The following ROBO2 variants were observed in gnomAD, a reference collection of about 807,000 sequenced individuals.
ROBO2 encodes the protein roundabout guidance receptor 2.
Under a neutral mutation model 160.8 loss-of-function variants are expected in ROBO2, and 53 were observed. That is an observed-to-expected ratio of 0.33 (90% CI 0.26 to 0.41). The LOEUF (loss-of-function observed/expected upper bound fraction) is 0.41. ROBO2 is among the 10% of genes least tolerant of loss of function. ROBO2 has a pLI of 1.00. For synonymous variants in ROBO2, 664 were observed against 611.7 expected, an observed-to-expected ratio of 1.09 and a Z score of -1.26; for missense variants, 1,577 against 1,722.4, an observed-to-expected ratio of 0.92 and a Z score of 1.49.
At chr3:76,930,170 C>T (rs1264805183) in intron 2 of ROBO2, among the ~76,000 whole-genome samples, 5 of 152,098 alleles carry the variant, frequency 3.3e-5, no homozygotes, top group East Asian at 1.9e-4. Flanking sequence ...ACTACAGGCA[C>T]GTGCCCCCAC....
intron 2 of ROBO2, among the ~76,000 whole-genome samples, chr3:76,779,651 T>C (rs1264881530): frequency 6.6e-6 from 1 of 151,056 alleles, no homozygotes; most frequent in Non-Finnish European, 1.5e-5. Flanking sequence ...GTCCTCAGGG[T>C]TCATGAGATA....
At chr3:76,098,780 T>C (rs1285503864) in intron 2 of ROBO2, among the ~76,000 whole-genome samples, 2 of 152,192 alleles carry the variant, frequency 1.3e-5, no homozygotes, top group Non-Finnish European at 2.9e-5. Flanking sequence ...CATGAGTTCA[T>C]TATTTTTTGT....
At chr3:77,032,787 A>G (rs1277005881) in intron 2 of ROBO2, among the ~76,000 whole-genome samples, 1 of 149,510 alleles carries the variant, frequency 6.7e-6, no homozygotes, top group African/African-American at 2.6e-5. Context: ...TGGCCATCCA[A>G]AAAGTGAGGC....
chr3:76,093,281 A>G (rs2069304484), intron 2 of ROBO2, among the ~76,000 whole-genome samples: 2 of 151,876 alleles, frequency 1.3e-5, no homozygotes, highest in Non-Finnish European at 2.9e-5. Context: ...CCCCTGTATA[A>G]TGGGTGTTCT....
intron 2 of ROBO2, among the ~76,000 whole-genome samples, chr3:76,678,684 T>G (rs1282625962): frequency 6.6e-6 from 1 of 152,192 alleles, no homozygotes; most frequent in Non-Finnish European, 1.5e-5. Flanking sequence ...TTTTAGTGGA[T>G]GTCAGTGCAG....
chr3:77,098,828 C>A (rs1333984707), intron 2 of ROBO2, among the ~76,000 whole-genome samples: 1 of 151,960 alleles, frequency 6.6e-6, no homozygotes, highest in Non-Finnish European at 1.5e-5. Context: ...TGCACTCCAG[C>A]CTGGGCGACA....
chr3:76,155,685 T>C (rs530447087), intron 2 of ROBO2, among the ~76,000 whole-genome samples: 26 of 152,310 alleles, frequency 1.7e-4, no homozygotes, highest in African/African-American at 6.3e-4. Context: ...TGCACGTCTT[T>C]AACTAATTCA....
chr3:76,411,595 CA>C lies in ROBO2; in HGVS notation c.109+473994del, dbSNP rs553828259. On this transcript the variant is annotated intron_variant, in intron 2 of 26. Transcript: ENST00000487694. ...ACAAAATGCCTTGCTATAGGGAAGA[CA>C]TTTTTTTTCCACCACACCAGTTCAC... Among the ~76,000 whole-genome samples the C allele has an allele frequency of 2.6e-5, 4 of 152,158 alleles. No homozygotes were observed. In the South Asian group the frequency reaches 8.3e-4, roughly 32 times the overall value.
chr3:76,747,282 T>G (rs2093909611), intron 2 of ROBO2, among the ~76,000 whole-genome samples: 1 of 152,122 alleles, frequency 6.6e-6, no homozygotes, highest in Non-Finnish European at 1.5e-5. Flanking sequence ...CAAAATTTCA[T>G]ATAACTTTTT....
intron 2 of ROBO2, among the ~76,000 whole-genome samples, chr3:76,445,026 C>T (rs982652698): frequency 3.9e-5 from 6 of 152,040 alleles, no homozygotes; most frequent in Non-Finnish European, 8.8e-5. Flanking sequence ...TTCTTTATTA[C>T]ATCCTTTTAG....
chr3:76,423,494 T>C (rs2076081104), intron 2 of ROBO2, among the ~76,000 whole-genome samples: 1 of 151,856 alleles, frequency 6.6e-6, no homozygotes, highest in African/African-American at 2.4e-5. Context: ...AGAAAAGAGG[T>C]AGAGGCAAAA....
intron 2 of ROBO2, among the ~76,000 whole-genome samples, chr3:76,326,602 C>G (rs1316088399): frequency 6.6e-6 from 1 of 150,858 alleles, no homozygotes; most frequent in African/African-American, 2.5e-5. Flanking sequence ...GAATTATTAT[C>G]TTTTATTTAT....
rs542397501 is a variant in ROBO2, at chr3:77,059,780, T to G, written c.61+18934T>G. On this transcript the variant is annotated intron_variant, in intron 1 of 25. Transcript: ENST00000461745. ...CTGTCTTGGCTGGGTTGTCTTTATC[T>G]CAGTGTAAAACTCATACGTCATGAC... 2.0e-5 allele frequency among the ~76,000 whole-genome samples: 3 copies of G among 152,274 alleles called. No homozygotes were observed. The East Asian group carries it at 5.8e-4, about 29-fold the overall frequency.
chr3:77,629,730 ATTCT>A (rs1217402697), intron 23 of ROBO2: 4 of 152,186 alleles, frequency 2.6e-5, no homozygotes, highest in Non-Finnish European at 5.9e-5. Flanking sequence ...TTATAAGAAA[ATTCT>A]TTCTATAGTT....
At chr3:77,336,054 G>C (rs1407362446) in intron 2 of ROBO2, among the ~76,000 whole-genome samples, 4 of 152,208 alleles carry the variant, frequency 2.6e-5, no homozygotes, top group African/African-American at 9.6e-5. Flanking sequence ...CAGTAACTCT[G>C]TCTGAGAAAG....
chr3:76,723,730 C>T (rs2093502013), intron 2 of ROBO2, among the ~76,000 whole-genome samples: 1 of 152,212 alleles, frequency 6.6e-6, no homozygotes, highest in African/African-American at 2.4e-5. Context: ...TTTTCTCTTT[C>T]ATCCAAAGTC....
At chr3:75,990,269 T>C (rs2065529503) in intron 2 of ROBO2, among the ~76,000 whole-genome samples, 1 of 152,218 alleles carries the variant, frequency 6.6e-6, no homozygotes, top group African/African-American at 2.4e-5. Flanking sequence ...CATAATTTCC[T>C]GAAAACTCCA....
intron 6 of ROBO2, among the ~76,000 whole-genome samples, chr3:77,524,558 C>T (rs933283843): frequency 2.6e-5 from 4 of 151,318 alleles, no homozygotes; most frequent in African/African-American, 4.8e-5. Flanking sequence ...GGTGAGAAAA[C>T]GTGAGGAGTT....
chr3:76,408,379 A>G (rs1207242284), intron 2 of ROBO2, among the ~76,000 whole-genome samples: 3 of 152,136 alleles, frequency 2.0e-5, no homozygotes, highest in Admixed American at 2.0e-4. Flanking sequence ...TGCTCCAAAT[A>G]CAGATAACTT....
Sources: allele counts gnomAD v4.1 joint callset (sites outside exome capture counted in the v4.1 genomes callset), GRCh38; gene constraint gnomAD v4.1.1; transcripts MANE v1.5; gene names NCBI Gene and HGNC (gene_info 2026-07-23, HGNC 2026-07-21).